The following INTU variants were observed in gnomAD, a reference collection of about 807,000 sequenced individuals.
INTU encodes the protein inturned planar cell polarity protein.
In INTU, 68 loss-of-function variants were observed where a neutral mutation model predicts 100.5. That is an observed-to-expected ratio of 0.68 (90% confidence interval 0.56 to 0.83). The LOEUF is 0.83. INTU is among the 40% of genes least tolerant of loss of function. INTU has a pLI of 0.00. For missense variants in INTU, 1,071 were observed against 1,114.7 expected (o/e 0.96, Z 0.56); for synonymous variants, 357 against 395.7 (o/e 0.90, Z 1.16).
intron 6 of INTU, among the ~76,000 whole-genome samples, chr4:127,676,634 A>G (rs1236815943): frequency 6.6e-6 from 1 of 151,684 alleles, no homozygotes; most frequent in East Asian, 1.9e-4. Context: ...ATGGCCGAAT[A>G]GGAACAGGTC....
At chr4:127,691,114 G>A (rs1730101985) in intron 8 of INTU, among the ~76,000 whole-genome samples, 1 of 152,014 alleles carries the variant, frequency 6.6e-6, no homozygotes, top group Non-Finnish European at 1.5e-5. Context: ...ATGGTATGTA[G>A]TCTTTTCAGA....
intron 6 of INTU, among the ~76,000 whole-genome samples, chr4:127,683,554 C>T (rs968692963): frequency 6.6e-6 from 1 of 152,162 alleles, no homozygotes; most frequent in African/African-American, 2.4e-5. Flanking sequence ...GTGCCATAGA[C>T]TGCGTGTTTC....
chr4:127,683,047 G>C (rs1389510868), intron 6 of INTU, among the ~76,000 whole-genome samples: 1 of 152,160 alleles, frequency 6.6e-6, no homozygotes, highest in Non-Finnish European at 1.5e-5. Flanking sequence ...CAGTTTCCAG[G>C]TGAGTTTGTA....
At chr4:127,707,022 C>A (rs1730913116) in intron 12 of INTU, 53 bp downstream of exon 12, 2 of 1,534,880 alleles carry the variant, frequency 1.3e-6, no homozygotes, top group Non-Finnish European at 1.7e-6. Context: ...TCTCTCCAGT[C>A]CTTGTTTTAT....
At chr4:127,702,757 T>C (rs1267418427) in intron 9 of INTU, among the ~76,000 whole-genome samples, 1 of 152,248 alleles carries the variant, frequency 6.6e-6, no homozygotes, top group Non-Finnish European at 1.5e-5. Context: ...GTATAATTTA[T>C]GTTCAGTAAA....
chr4:127,700,079 G>A lies in INTU; in HGVS notation c.1503+16G>A, dbSNP rs1217751923. The A allele has an allele frequency of 3.2e-6, 5 of 1,584,374 alleles. No individual in the cohort carries two copies. The highest frequency in any genetic ancestry group is 4.3e-6 in the Non-Finnish European group (5 of 1,161,682). ...TGCAGAACTGGTAAGGGAAGGAGTGGATTTTATAAAAGGCTCAATGTTGAA... is the reference window on the plus strand; with the variant it reads ...TGCAGAACTGGTAAGGGAAGGAGTGAATTTTATAAAAGGCTCAATGTTGAA... On this transcript the variant is annotated intron_variant, in intron 9 of 15. Coordinates refer to ENST00000335251, the MANE Select transcript of INTU (RefSeq NM_015693.4).
intron 2 of INTU, among the ~76,000 whole-genome samples, chr4:127,649,983 CT>C (rs1227611996): frequency 1.3e-5 from 2 of 152,080 alleles, no homozygotes; most frequent in Admixed American, 6.5e-5. Flanking sequence ...CATTTTAACA[CT>C]GATATTTATT....
intron 5 of INTU, among the ~76,000 whole-genome samples, chr4:127,669,476 T>G (rs1728829362): frequency 6.6e-6 from 1 of 151,878 alleles, no homozygotes; most frequent in Non-Finnish European, 1.5e-5. Context: ...TATTTATTAT[T>G]TCTTCATGAA....
Position 127,633,091 on chromosome 4 carries a change from C to A in INTU, c.57C>A (p.Asp19Glu), listed in dbSNP as rs780429372. The A allele has an allele frequency of 4.3e-6, 7 of 1,614,012 alleles. No individual in the cohort carries two copies. The highest frequency in any genetic ancestry group is 5.9e-6 in the Non-Finnish European group (7 of 1,179,882). The change falls in exon 1 of 16, where the codon GAC (aspartate) becomes GAA (glutamate). Residue 19 changes from aspartate to glutamate, a missense_variant. Coordinates refer to ENST00000335251, the MANE Select transcript of INTU (RefSeq NM_015693.4). ...SRPSSDELPG[D>E]PSSQEEDEDY... Reference sequence around the variant, plus strand: ...CGAGCTCAGACGAGCTCCCTGGAGACCCCTCTTCACAAGAAGAAGATGAGG... The same window carrying A: ...CGAGCTCAGACGAGCTCCCTGGAGAACCCTCTTCACAAGAAGAAGATGAGG...
intron 2 of INTU, among the ~76,000 whole-genome samples, chr4:127,646,715 A>T (rs1021699995): frequency 2.0e-5 from 3 of 152,174 alleles, no homozygotes; most frequent in Non-Finnish European, 4.4e-5. Flanking sequence ...TTTTCACAAA[A>T]GCAAGTTGGT....
At chr4:127,638,273 A>G (rs1010067987) in intron 1 of INTU, among the ~76,000 whole-genome samples, 1 of 152,312 alleles carries the variant, frequency 6.6e-6, no homozygotes, top group Admixed American at 6.5e-5. Context: ...TTAGCACCAC[A>G]TAACTATATG....
At chr4:127,641,571 A>G (rs1560826417) in intron 1 of INTU, among the ~76,000 whole-genome samples, 1 of 152,000 alleles carries the variant, frequency 6.6e-6, no homozygotes, top group Non-Finnish European at 1.5e-5. Context: ...ACCTCCAGCT[A>G]GGCTAAGCTG....
At chr4:127,714,139 G>A in intron 15 of INTU, 46 bp downstream of exon 15, 1 of 1,509,614 alleles carries the variant, frequency 6.6e-7, no homozygotes, top group Admixed American at 1.9e-5. Context: ...TTAGAAAAGT[G>A]AAAGAAAAGT....
chr4:127,697,930 G>T (rs755414966), intron 8 of INTU, among the ~76,000 whole-genome samples: 1 of 152,126 alleles, frequency 6.6e-6, no homozygotes, highest in Non-Finnish European at 1.5e-5. Flanking sequence ...AGACCAGCCT[G>T]ACCAACATGG....
At chr4:127,651,561 C>T (rs1727878346) in intron 2 of INTU, among the ~76,000 whole-genome samples, 1 of 152,148 alleles carries the variant, frequency 6.6e-6, no homozygotes, top group Non-Finnish European at 1.5e-5. Context: ...GGGCTCTGTT[C>T]TGTTCCATTG....
At chr4:127,637,962 A>G (rs1727146249) in intron 1 of INTU, among the ~76,000 whole-genome samples, 1 of 152,174 alleles carries the variant, frequency 6.6e-6, no homozygotes, top group African/African-American at 2.4e-5. Context: ...CAGTTATTCT[A>G]ATGTTGCTTA....
chr4:127,689,784 A>G (rs374332185), intron 8 of INTU, among the ~76,000 whole-genome samples: 2 of 152,114 alleles, frequency 1.3e-5, no homozygotes, highest in African/African-American at 2.4e-5. Context: ...AGGGAAGGAT[A>G]TAAGTGTTCG....
chr4:127,636,587 G>A (rs1445039280), intron 1 of INTU, among the ~76,000 whole-genome samples: 1 of 150,476 alleles, frequency 6.6e-6, no homozygotes. Context: ...ATTGCAGCCT[G>A]GGTGACAAAG....
At chr4:127,657,057 G>A (rs895300228) in intron 3 of INTU, among the ~76,000 whole-genome samples, 1 of 151,956 alleles carries the variant, frequency 6.6e-6, no homozygotes, top group Non-Finnish European at 1.5e-5. Flanking sequence ...AATAGTCAGG[G>A]AGTTTTCTGT....
Sources: gnomAD v4.1 joint callset for allele counts (sites outside exome capture counted in the v4.1 genomes callset) on GRCh38, gnomAD v4.1.1 for gene constraint, MANE v1.5 for transcripts, NCBI Gene and HGNC (gene_info 2026-07-23, HGNC 2026-07-21) for gene names.